The following SNX16 variants were observed in gnomAD, a reference collection of about 807,000 sequenced individuals.
SNX16 encodes sorting nexin 16.
In SNX16, 35 loss-of-function variants were observed where a neutral mutation model predicts 36.7. The observed-to-expected ratio is 0.95, with a 90% CI of 0.73 to 1.27. The LOEUF is 1.27. Among genes scored for constraint, SNX16 ranks in the 50% most tolerant of loss-of-function variants. The pLI, the probability that SNX16 is intolerant of heterozygous loss-of-function variation, is 0.00. For missense variants in SNX16, 367 were observed against 393.6 expected, an observed-to-expected ratio of 0.93 and a Z score of 0.57; for synonymous variants, 134 against 132.0, an observed-to-expected ratio of 1.02 and a Z score of -0.10.
intron 5 of SNX16, among the ~76,000 whole-genome samples, chr8:81,807,479 A>G (rs1043865808): frequency 3.8e-5 from 5 of 132,532 alleles, no homozygotes; most frequent in Non-Finnish European, 6.2e-5. Context: ...AGATGGCGCC[A>G]CTGCACTCCA....
At chr8:81,803,399 C>T (rs1253363659) in intron 5 of SNX16, among the ~76,000 whole-genome samples, 171 bp from the exon 6 acceptor site, 1 of 151,932 alleles carries the variant, frequency 6.6e-6, no homozygotes, top group African/African-American at 2.4e-5. Context: ...TTTTAGGTCA[C>T]TGGTATCTTA....
At chr8:81,839,250 G>T (rs890903675) in intron 2 of SNX16, among the ~76,000 whole-genome samples, 3 of 152,132 alleles carry the variant, frequency 2.0e-5, no homozygotes, top group African/African-American at 7.2e-5. Flanking sequence ...GATGCAAAAA[G>T]AGTATATAAT....
chr8:81,821,999 T>C (rs181599006), intron 4 of SNX16, among the ~76,000 whole-genome samples: 1 of 152,274 alleles, frequency 6.6e-6, no homozygotes, highest in Admixed American at 6.5e-5. Flanking sequence ...TAAGTGATTG[T>C]CTCAATTCTA....
intron 1 of SNX16, among the ~76,000 whole-genome samples, chr8:81,840,853 TATC>T: frequency 6.6e-6 from 1 of 152,346 alleles, no homozygotes; most frequent in African/African-American, 2.4e-5. Flanking sequence ...GTCAGAATAG[TATC>T]ATAACACAAA....
intron 2 of SNX16, 54 bp from the exon 3 acceptor site, chr8:81,829,570 T>A: frequency 1.3e-6 from 1 of 784,142 alleles, no homozygotes. Context: ...TAAAGATATT[T>A]AAAAACTCAA....
intron 5 of SNX16, among the ~76,000 whole-genome samples, chr8:81,806,065 T>C (rs188640619): frequency 2.0e-5 from 3 of 152,326 alleles, no homozygotes; most frequent in African/African-American, 2.4e-5. Context: ...GTTAAAAATC[T>C]ACTATAAGAC....
chr8:81,828,162 C>A (rs192496378), intron 3 of SNX16, among the ~76,000 whole-genome samples: 4 of 152,216 alleles, frequency 2.6e-5, no homozygotes, highest in Admixed American at 2.6e-4. Flanking sequence ...AAACAATATA[C>A]AAAACACTGT....
In SNX16 at chr8:81,840,082, T is replaced by C; in HGVS notation, c.-96A>G. 3.1e-5 allele frequency: 43 copies of C among 1,393,154 alleles called. 1 individual carries two copies. Among genetic ancestry groups the C allele is most frequent in the Non-Finnish European group, 4.1e-5 (43 of 1,038,320 alleles). The allele number at this position is 1,393,154 out of a possible 1,614,324, so 86.3% of individuals were successfully genotyped here. A position where few individuals can be genotyped will look rare whatever the true frequency, so the allele number is the denominator to read the frequency against. On this transcript the variant is annotated splice_region_variant and 5_prime_UTR_variant, in exon 2 of 8. Transcript: ENST00000345957. ...TTATTTTCTTCTTAGGAATTCACTA[T>C]CTAAAAATGAAAAGGACATATTAAA...
chr8:81,816,413 C>G (rs1320592861), intron 4 of SNX16, among the ~76,000 whole-genome samples: 1 of 151,934 alleles, frequency 6.6e-6, no homozygotes, highest in African/African-American at 2.4e-5. Flanking sequence ...TGGTCTCCCA[C>G]TCCTGACCTC....
intron 5 of SNX16, among the ~76,000 whole-genome samples, chr8:81,811,820 A>G (rs1421364304): frequency 6.6e-6 from 1 of 152,162 alleles, no homozygotes; most frequent in Non-Finnish European, 1.5e-5. Context: ...AAGGCAGTCA[A>G]TTGAAGCTAT....
chr8:81,834,716 C>T (rs990811867), intron 2 of SNX16, among the ~76,000 whole-genome samples: 20 of 152,322 alleles, frequency 1.3e-4, no homozygotes, highest in African/African-American at 4.6e-4. Flanking sequence ...ATGTCTAGTT[C>T]ATGTCTGGGT....
chr8:81,819,329 G>A (rs950759359), intron 4 of SNX16, among the ~76,000 whole-genome samples: 1 of 152,080 alleles, frequency 6.6e-6, no homozygotes, highest in African/African-American at 2.4e-5. Context: ...CTAAGACTGT[G>A]CAATGTAAGA....
intron 4 of SNX16, among the ~76,000 whole-genome samples, chr8:81,816,181 CTT>C (rs777491714): frequency 7.3e-5 from 10 of 137,748 alleles, no homozygotes; most frequent in Non-Finnish European, 9.4e-5. Context: ...AAAGGATTTT[CTT>C]TTTTTTTTTT....
Position 81,840,782 on chromosome 8 carries a change from T to C in SNX16, c.-96-700A>G, listed in dbSNP as rs76118625. The stretch of plus-strand genomic sequence containing the variant: ...ATTCTGCTCTACGATAAACTGAGGG[T>C]ATTTAAATCTTTATAACTTACACTC... On this transcript the variant is annotated intron_variant, in intron 1 of 7. Coordinates refer to ENST00000345957, the MANE Select transcript of SNX16 (RefSeq NM_152836.3). Among the ~76,000 whole-genome samples the C allele has an allele frequency of 7.9e-3, 1,200 of 152,346 alleles. 9 individuals are homozygous for C. Among genetic ancestry groups the C allele is most frequent in the Non-Finnish European group, 0.011 (777 of 68,034 alleles).
intron 3 of SNX16, among the ~76,000 whole-genome samples, chr8:81,827,220 T>G (rs190022247): frequency 2.6e-5 from 4 of 152,246 alleles, no homozygotes; most frequent in Non-Finnish European, 5.9e-5. Flanking sequence ...AATTTCAGCT[T>G]GCCTAAGAAA....
Position 81,839,892 on chromosome 8 carries a change from C to T in SNX16, c.95G>A (p.Ser32Asn). Reference sequence around the variant, plus strand: ...AGAAGAATTTGAGCTTGTTGAGACACTGCCAAAAGAAGAACTTCTTTGATT... The same window carrying T: ...AGAAGAATTTGAGCTTGTTGAGACATTGCCAAAAGAAGAACTTCTTTGATT... ...NRNQRSSSFG[S>N]VSTSSNSSKG... The change falls in exon 2 of 8, where the codon AGT becomes AAT. Residue 32 changes from serine (S) to asparagine (N), a missense_variant. Physicochemically the swap from Ser to Asn is conservative, Grantham distance 46. Coordinates refer to ENST00000345957, the MANE Select transcript of SNX16 (RefSeq NM_152836.3). 1 of 1,614,024 alleles carries T rather than the reference C, an allele frequency of 6.2e-7. No homozygotes were observed.
rs570405444 is a variant in SNX16, at chr8:81,832,087, G to C, written c.376-2571C>G. Among the ~76,000 whole-genome samples, 26 of 152,226 alleles carry C rather than the reference G, an allele frequency of 1.7e-4. No individual in the cohort carries two copies. The South Asian group carries it at 5.0e-3, about 29-fold the overall frequency. The stretch of plus-strand genomic sequence containing the variant: ...GTATATATCCAAAAGAAAACAAATT[G>C]TTCTACCAAAAAGACATATACACTT... On this transcript the variant is annotated intron_variant, in intron 2 of 7. Coordinates refer to ENST00000345957, the MANE Select transcript of SNX16 (RefSeq NM_152836.3).
At chr8:81,811,189 T>C (rs1416926987) in intron 5 of SNX16, among the ~76,000 whole-genome samples, 1 of 152,100 alleles carries the variant, frequency 6.6e-6, no homozygotes, top group Non-Finnish European at 1.5e-5. Flanking sequence ...AGATTCTAAA[T>C]CAAAGAGACA....
chr8:81,816,181 C>CTTTTT (rs777491714), intron 4 of SNX16, among the ~76,000 whole-genome samples: 20,510 of 137,590 alleles, frequency 0.15, 1,959 homozygotes, highest in South Asian at 0.23. Flanking sequence ...AAAGGATTTT[C>CTTTTT]TTTTTTTTTT....
Sources: allele counts gnomAD v4.1 joint callset (sites outside exome capture counted in the v4.1 genomes callset), GRCh38; gene constraint gnomAD v4.1.1; transcripts MANE v1.5; gene names NCBI Gene and HGNC (gene_info 2026-07-23, HGNC 2026-07-21).